ZNF423: variants seen among roughly 807,000 people sequenced by gnomAD.
The protein encoded by ZNF423 is zinc finger protein 423.
ZNF423 carries 12 observed loss-of-function variants against 95.8 expected under a neutral mutation model. That is an observed-to-expected ratio of 0.13 (90% CI 0.08 to 0.20). The LOEUF is 0.20. Ranked by LOEUF, ZNF423 falls within the 10% of genes least tolerant of loss-of-function variation. The pLI, the probability that ZNF423 is intolerant of heterozygous loss-of-function variation, is 1.00. For synonymous variants in ZNF423, 749 were observed against 711.9 expected (o/e 1.05, Z -0.83); for missense variants, 1,316 against 1,737.1 (o/e 0.76, Z 4.31).
intron 5 of ZNF423, among the ~76,000 whole-genome samples, chr16:49,543,075 T>C (rs765299221): frequency 2.6e-5 from 4 of 152,086 alleles, no homozygotes; most frequent in Admixed American, 1.3e-4. Flanking sequence ...TAATTTGACA[T>C]AGAGGAGTGG....
intron 7 of ZNF423, among the ~76,000 whole-genome samples, chr16:49,522,650 G>C (rs539767531): frequency 4.1e-4 from 62 of 152,154 alleles, no homozygotes; most frequent in Non-Finnish European, 8.2e-4. Context: ...GTGGACATGA[G>C]TGTGGTCCTT....
intron 2 of ZNF423, among the ~76,000 whole-genome samples, chr16:49,764,964 G>T (rs1274922261): frequency 7.0e-6 from 1 of 143,568 alleles, no homozygotes; most frequent in African/African-American, 2.6e-5. Context: ...TCACCATGTT[G>T]GCCAGGCTGG....
At chr16:49,750,578 CA>C (rs1330067392) in intron 2 of ZNF423, among the ~76,000 whole-genome samples, 1 of 152,202 alleles carries the variant, frequency 6.6e-6, no homozygotes, top group African/African-American at 2.4e-5. Flanking sequence ...CATTTAAGGC[CA>C]TCTGTGCACT....
intron 3 of ZNF423, among the ~76,000 whole-genome samples, chr16:49,695,544 C>T (rs557523154): frequency 5.9e-5 from 9 of 152,318 alleles, no homozygotes; most frequent in East Asian, 3.9e-4. Context: ...CCGCCCACCT[C>T]GGCCTCCCAA....
At position 49,487,655 on chromosome 16, in the gene ZNF423, T is replaced by C. The variant is rs1232508901; in HGVS notation, c.*3620A>G. The C allele has an allele frequency of 6.6e-6, 1 of 152,236 alleles. No homozygotes were observed. Among genetic ancestry groups the C allele is most frequent in the Non-Finnish European group, 1.5e-5 (1 of 68,038 alleles). The allele number at this position is 152,236 out of a possible 1,614,324, so 9.4% of individuals were successfully genotyped here. On this transcript the variant is annotated 3_prime_UTR_variant, in exon 8 of 8. Transcript: ENST00000563137. Reference sequence around the variant, plus strand: ...GTTATAGTCGCAAGTCTATCCTGAATGGTATGATCTTGGACAAGATTCTGA... The same window carrying C: ...GTTATAGTCGCAAGTCTATCCTGAACGGTATGATCTTGGACAAGATTCTGA...
At position 49,634,191 on chromosome 16, in the gene ZNF423, C is replaced by G. The variant is rs186605820; in HGVS notation, c.3516+1469G>C. Among the ~76,000 whole-genome samples the G allele has an allele frequency of 6.0e-3, 878 of 146,790 alleles. 9 individuals carry two copies. Among genetic ancestry groups the G allele is most frequent in the African/African-American group, 0.02 (785 of 39,400 alleles). ...AAAGTGCTGGGATTACAGGCGTGAGCCACCACACCTGGCTTTTTTTTTTTT... is the reference window on the plus strand; with the variant it reads ...AAAGTGCTGGGATTACAGGCGTGAGGCACCACACCTGGCTTTTTTTTTTTT... On this transcript the variant is annotated intron_variant, in intron 4 of 7. Coordinates refer to ENST00000563137, the MANE Select transcript of ZNF423 (RefSeq NM_001379286.1).
At chr16:49,670,980 C>A (rs557414403) in intron 3 of ZNF423, among the ~76,000 whole-genome samples, 2 of 152,168 alleles carry the variant, frequency 1.3e-5, no homozygotes, top group Non-Finnish European at 2.9e-5. Context: ...ACAAACCTCT[C>A]GAAGGAGATG....
intron 5 of ZNF423, among the ~76,000 whole-genome samples, chr16:49,623,785 G>A (rs1972164804): frequency 6.6e-6 from 1 of 152,204 alleles, no homozygotes; most frequent in Non-Finnish European, 1.5e-5. Context: ...ACACGATTGG[G>A]AGTCAGTGGC....
intron 4 of ZNF423, among the ~76,000 whole-genome samples, chr16:49,630,100 T>C (rs1327893943): frequency 2.0e-5 from 3 of 152,066 alleles, no homozygotes; most frequent in African/African-American, 4.8e-5. Context: ...ACACAGGCAC[T>C]CTGCATGGAA....
intron 3 of ZNF423, among the ~76,000 whole-genome samples, chr16:49,682,697 C>G (rs2031413198): frequency 6.6e-6 from 1 of 152,210 alleles, no homozygotes; most frequent in South Asian, 2.1e-4. Flanking sequence ...TGCCCAGGTT[C>G]AAACACCATC....
rs2143730246 is a variant in ZNF423 at position 49,774,464 on chromosome 16, C to T, written c.100+15023G>A. Among the ~76,000 whole-genome samples the T allele has an allele frequency of 3.3e-5, 5 of 152,246 alleles. No homozygotes were observed. In the South Asian group the frequency reaches 1.0e-3, roughly 32 times the overall value. On this transcript the variant is annotated intron_variant, in intron 2 of 7. Coordinates refer to ENST00000563137, the MANE Select transcript of ZNF423 (RefSeq NM_001379286.1). Reference sequence around the variant, plus strand: ...CTCCAGCCAGACTTTAGATCTCAGACACAGAACAACGTTCCTACACACGCA... The same window carrying T: ...CTCCAGCCAGACTTTAGATCTCAGATACAGAACAACGTTCCTACACACGCA...
intron 3 of ZNF423, among the ~76,000 whole-genome samples, chr16:49,660,297 A>G (rs2030140649): frequency 6.6e-6 from 1 of 152,228 alleles, no homozygotes; most frequent in Admixed American, 6.5e-5. Flanking sequence ...GGATGGATGG[A>G]TGGATGAAAT....
At chr16:49,519,161 T>C (rs1481230587) in intron 7 of ZNF423, among the ~76,000 whole-genome samples, 2 of 152,226 alleles carry the variant, frequency 1.3e-5, no homozygotes, top group Admixed American at 6.5e-5. Flanking sequence ...ATGTAACACA[T>C]GACCCCATCT....
chr16:49,828,810 G>T (rs368593749), intron 1 of ZNF423, among the ~76,000 whole-genome samples: 1 of 152,342 alleles, frequency 6.6e-6, no homozygotes, highest in African/African-American at 2.4e-5. Flanking sequence ...ATGGAGGAGA[G>T]GTCTGGAGAC....
At chr16:49,753,394 G>A (rs1567327501) in intron 2 of ZNF423, among the ~76,000 whole-genome samples, 1 of 149,272 alleles carries the variant, frequency 6.7e-6, no homozygotes, top group Non-Finnish European at 1.5e-5. Context: ...TTGAGCCCAG[G>A]AGTTTAAGAC....
intron 1 of ZNF423, among the ~76,000 whole-genome samples, chr16:49,813,086 T>C (rs2034779345): frequency 6.6e-6 from 1 of 152,166 alleles, no homozygotes; most frequent in South Asian, 2.1e-4. Context: ...CCCCTAGTTG[T>C]AGCCCTACTA....
At chr16:49,652,889 T>C (rs1218618286) in intron 3 of ZNF423, among the ~76,000 whole-genome samples, 1 of 152,212 alleles carries the variant, frequency 6.6e-6, no homozygotes, top group Admixed American at 6.5e-5. Context: ...CAAGCTTGTT[T>C]CTACATTTTT....
chr16:49,823,929 C>CCA (rs1567360815), intron 1 of ZNF423, among the ~76,000 whole-genome samples: 1 of 149,626 alleles, frequency 6.7e-6, no homozygotes, highest in East Asian at 2.0e-4. Context: ...GACCTCTCTA[C>CCA]AAAAAAAAAT....
chr16:49,793,097 C>A (rs1181069211), intron 1 of ZNF423, among the ~76,000 whole-genome samples: 1 of 152,074 alleles, frequency 6.6e-6, no homozygotes, highest in East Asian at 1.9e-4. Flanking sequence ...AAAGAGTCAA[C>A]ACCCAACCCC....
Sources: gnomAD v4.1 joint callset for allele counts (sites outside exome capture counted in the v4.1 genomes callset) on GRCh38, gnomAD v4.1.1 for gene constraint, MANE v1.5 for transcripts, NCBI Gene and HGNC (gene_info 2026-07-23, HGNC 2026-07-21) for gene names.